The following EPHX4 variants were observed in gnomAD, a reference collection of about 807,000 sequenced individuals.
EPHX4 encodes epoxide hydrolase 4, also known as abhydrolase domain containing 7.
A neutral mutation model predicts 44.9 loss-of-function variants in EPHX4; 31 were observed. That is an observed-to-expected ratio of 0.69 (90% CI 0.52 to 0.93). EPHX4 has a LOEUF of 0.93. Ranked by LOEUF, EPHX4 falls within the 40% of genes least tolerant of loss-of-function variation. EPHX4 has a pLI of 0.00. For missense variants in EPHX4, 373 were observed against 438.1 expected, an observed-to-expected ratio of 0.85 and a Z score of 1.33; for synonymous variants, 151 against 159.7, an observed-to-expected ratio of 0.95 and a Z score of 0.41.
At chr1:92,032,021 G>A (rs566709531) in intron 1 of EPHX4, among the ~76,000 whole-genome samples, 1 of 152,270 alleles carries the variant, frequency 6.6e-6, no homozygotes, top group African/African-American at 2.4e-5. Flanking sequence ...GCTCTTGACG[G>A]GCAAGCTGAG....
intron 2 of EPHX4, among the ~76,000 whole-genome samples, chr1:92,035,462 TG>T (rs2101866313): frequency 6.6e-6 from 1 of 152,328 alleles, no homozygotes; most frequent in Non-Finnish European, 1.5e-5. Flanking sequence ...ATCTTTCACG[TG>T]GCCCCAGTGA....
chr1:92,030,258 C>T lies in EPHX4; in HGVS notation c.179C>T (p.Pro60Leu), dbSNP rs1688338195. The T allele has an allele frequency of 6.2e-7, 1 of 1,602,438 alleles. No individual in the cohort carries two copies. The highest frequency in any genetic ancestry group is 8.5e-7 in the Non-Finnish European group (1 of 1,174,862). ...TFRRPAREHP[P>L]ACLSDPSLGT... Reference sequence around the variant, plus strand: ...CGGCGGCCCGCCCGGGAGCACCCTCCCGCGTGCCTGAGCGACCCCTCCTTG... The same window carrying T: ...CGGCGGCCCGCCCGGGAGCACCCTCTCGCGTGCCTGAGCGACCCCTCCTTG... Residue 60 changes from proline to leucine, a missense_variant, in exon 1 of 7, where the codon CCC becomes CTC. Transcript: ENST00000370383.
In EPHX4 at chr1:92,030,136, C is replaced by T. The variant is rs1314663860; in HGVS notation, c.57C>T (p.Leu19=). The T allele has an allele frequency of 4.3e-6, 7 of 1,612,696 alleles. No individual in the cohort carries two copies. Among genetic ancestry groups the T allele is most frequent in the South Asian group, 1.1e-5 (1 of 90,876 alleles). The change falls in exon 1 of 7, where the codon CTC becomes CTT. Residue 19 remains leucine, a synonymous_variant. Coordinates refer to ENST00000370383, the MANE Select transcript of EPHX4 (RefSeq NM_173567.5). The part of the protein sequence containing the change: ...PRLMLTLRSL[L]FWSLVYCYCG... ...TGATGCTCACGCTCCGGTCCCTGCT[C>T]TTCTGGTCCCTGGTCTACTGCTACT...
At chr1:92,036,827 A>T (rs1009999781) in intron 2 of EPHX4, among the ~76,000 whole-genome samples, 3 of 152,146 alleles carry the variant, frequency 2.0e-5, no homozygotes, top group African/African-American at 7.2e-5. Context: ...TGGTAATCAG[A>T]TATCTCTGGA....
intron 5 of EPHX4, among the ~76,000 whole-genome samples, chr1:92,051,627 A>G (rs1393717679): frequency 1.3e-5 from 2 of 152,274 alleles, no homozygotes; most frequent in East Asian, 3.9e-4. Flanking sequence ...TTTTAATTTG[A>G]AAAGGATACT....
rs1344736380 is a variant in EPHX4 at position 92,034,642 on chromosome 1, C to T, written c.317+2052C>T. On this transcript the variant is annotated intron_variant, in intron 2 of 6. Transcript: ENST00000370383. Reference sequence around the variant, plus strand: ...CTGAAAGGATTACTACCTTAAGACGCTTCTTTTTTTTTTTTTTTTTAAACA... The same window carrying T: ...CTGAAAGGATTACTACCTTAAGACGTTTCTTTTTTTTTTTTTTTTTAAACA... 8.4e-5 allele frequency among the ~76,000 whole-genome samples: 8 copies of T among 95,446 alleles called. No individual in the cohort carries two copies. The Admixed American group carries it at 1.2e-3, about 14-fold the overall frequency. 62.6% of individuals were successfully genotyped at this position (95,446 alleles called of 152,430 possible).
At chr1:92,030,821 C>T (rs528837884) in intron 1 of EPHX4, among the ~76,000 whole-genome samples, 36 of 152,156 alleles carry the variant, frequency 2.4e-4, no homozygotes, top group Middle Eastern at 3.4e-3. Flanking sequence ...TCACAGACGA[C>T]TTAGGTTGCA....
intron 2 of EPHX4, among the ~76,000 whole-genome samples, chr1:92,035,744 A>G (rs1436018110): frequency 6.6e-6 from 1 of 152,088 alleles, no homozygotes; most frequent in Non-Finnish European, 1.5e-5. Context: ...TTCATTAGCT[A>G]TTTATCCTGA....
intron 6 of EPHX4, among the ~76,000 whole-genome samples, chr1:92,052,890 T>C (rs1273611272): frequency 6.6e-6 from 1 of 152,244 alleles, no homozygotes; most frequent in Non-Finnish European, 1.5e-5. Flanking sequence ...TCCATAACTC[T>C]ATCAACTTAT....
At chr1:92,050,920 C>G (rs1394385746) in intron 5 of EPHX4, among the ~76,000 whole-genome samples, 1 of 152,166 alleles carries the variant, frequency 6.6e-6, no homozygotes, top group East Asian at 1.9e-4. Flanking sequence ...GCAGCCTCAA[C>G]CTCCCAGGCT....
At chr1:92,061,284 GC>G (rs1463290298) in intron 6 of EPHX4, among the ~76,000 whole-genome samples, 2 of 152,098 alleles carry the variant, frequency 1.3e-5, no homozygotes, top group Non-Finnish European at 2.9e-5. Flanking sequence ...CCAAATGGTG[GC>G]TACTTGCATG....
At chr1:92,043,080 A>T in intron 3 of EPHX4, 100 bp downstream of exon 3, 2 of 946,638 alleles carry the variant, frequency 2.1e-6, no homozygotes, top group East Asian at 2.7e-5. Flanking sequence ...TATTCCATCT[A>T]CCCAAATTAT....
At position 92,042,847 on chromosome 1, in the gene EPHX4, A is replaced by C; in HGVS notation, c.342A>C (p.Arg114Ser). ...GGTATTCTTGGCGTTACCAACTGAGAGAATTTAAAAGTGAATATCGAGTTG... is the reference window on the plus strand; with the variant it reads ...GGTATTCTTGGCGTTACCAACTGAGCGAATTTAAAAGTGAATATCGAGTTG... ...EFWYSWRYQL[R>S]EFKSEYRVVA... is the part of the protein sequence containing the mutation. The change falls in exon 3 of 7, where the codon AGA (arginine) becomes AGC (serine). Residue 114 changes from arginine (R) to serine (S), a missense_variant. Physicochemically the swap from Arg to Ser is moderately radical, Grantham distance 110 (BLOSUM62 -1). Transcript: ENST00000370383. 6.2e-7 allele frequency: 1 copy of C among 1,611,066 alleles called. No homozygotes were observed. Among genetic ancestry groups the C allele is most frequent in the Non-Finnish European group, 8.5e-7 (1 of 1,179,296 alleles).
intron 2 of EPHX4, among the ~76,000 whole-genome samples, chr1:92,035,125 T>C (rs1430360615): frequency 1.3e-5 from 2 of 152,232 alleles, no homozygotes; most frequent in Non-Finnish European, 2.9e-5. Flanking sequence ...TGAAGATTTT[T>C]TTCCCCTTCT....
intron 4 of EPHX4, among the ~76,000 whole-genome samples, chr1:92,047,732 C>T (rs567338903): frequency 5.9e-5 from 9 of 152,248 alleles, no homozygotes; most frequent in Admixed American, 2.0e-4. Flanking sequence ...GCTAAATCAG[C>T]AGTGGCTTTA....
chr1:92,054,425 C>T (rs1289309960), intron 6 of EPHX4, among the ~76,000 whole-genome samples: 1 of 151,926 alleles, frequency 6.6e-6, no homozygotes, highest in East Asian at 1.9e-4. Flanking sequence ...CCTGTCTCTA[C>T]TAAAAATACA....
chr1:92,050,096 C>G (rs1647222798), intron 4 of EPHX4, among the ~76,000 whole-genome samples: 1 of 151,068 alleles, frequency 6.6e-6, no homozygotes, highest in Non-Finnish European at 1.5e-5. Flanking sequence ...AAGACTCTGT[C>G]TCAAAAAAAT....
At chr1:92,038,575 C>G (rs1688471069) in intron 2 of EPHX4, among the ~76,000 whole-genome samples, 1 of 152,096 alleles carries the variant, frequency 6.6e-6, no homozygotes, top group Admixed American at 6.6e-5. Flanking sequence ...GTGAGGTGTG[C>G]CCCAGCCCTG....
intron 1 of EPHX4, among the ~76,000 whole-genome samples, chr1:92,032,117 T>C (rs1275921382): frequency 3.3e-5 from 5 of 152,132 alleles, no homozygotes; most frequent in African/African-American, 1.2e-4. Flanking sequence ...TTGAGGGAGA[T>C]GAAATGTGAC....
Sources: gnomAD v4.1 joint callset for allele counts (sites outside exome capture counted in the v4.1 genomes callset) on GRCh38, gnomAD v4.1.1 for gene constraint, MANE v1.5 for transcripts, NCBI Gene and HGNC (gene_info 2026-07-23, HGNC 2026-07-21) for gene names.